The following MVB12B variants were observed in gnomAD, a reference collection of about 807,000 sequenced individuals.
MVB12B encodes the protein multivesicular body subunit 12B, also known as ESCRT-I complex subunit MVB12B.
A neutral mutation model predicts 41.6 loss-of-function variants in MVB12B; 16 were observed. That is an observed-to-expected ratio of 0.38 (90% CI 0.26 to 0.58). MVB12B has a LOEUF of 0.58. Among genes scored for constraint, MVB12B ranks in the 20% least tolerant of loss-of-function variants. MVB12B has a pLI of 0.62. For synonymous variants in MVB12B, 133 were observed against 139.7 expected (o/e 0.95, Z 0.34); for missense variants, 274 against 380.2 (o/e 0.72, Z 2.32).
At chr9:126,472,600 T>C (rs1259647075) in intron 7 of MVB12B, among the ~76,000 whole-genome samples, 1 of 152,212 alleles carries the variant, frequency 6.6e-6, no homozygotes, top group African/African-American at 2.4e-5. Context: ...CCCCTTGACT[T>C]GTAGTGCCTG....
At chr9:126,497,981 AGAG>A (rs1833873126) in intron 9 of MVB12B, among the ~76,000 whole-genome samples, 1 of 152,194 alleles carries the variant, frequency 6.6e-6, no homozygotes, top group Admixed American at 6.5e-5. Flanking sequence ...GTCTCGCAGA[AGAG>A]GCCTGCAGGA....
At chr9:126,399,170 T>C (rs1244028868) in intron 6 of MVB12B, among the ~76,000 whole-genome samples, 1 of 152,164 alleles carries the variant, frequency 6.6e-6, no homozygotes, top group African/African-American at 2.4e-5. Flanking sequence ...GCTAAGGTGG[T>C]AGAAGGTAGC....
intron 7 of MVB12B, among the ~76,000 whole-genome samples, chr9:126,477,853 C>T (rs977605244): frequency 6.6e-6 from 1 of 152,228 alleles, no homozygotes; most frequent in African/African-American, 2.4e-5. Flanking sequence ...CATTCTTCCT[C>T]ATCTCCTCTG....
At position 126,380,266 on chromosome 9, in the gene MVB12B, C is replaced by T. The variant is rs1011120574; in HGVS notation, c.205-798C>T. ...CTCCTAGCCTTCTTCTCCTCCTCCTCTCCCATCTCCTTTGCACTCTCTCCC... is the reference window on the plus strand; with the variant it reads ...CTCCTAGCCTTCTTCTCCTCCTCCTTTCCCATCTCCTTTGCACTCTCTCCC... On this transcript the variant is annotated intron_variant, in intron 2 of 9. Transcript: ENST00000361171. Among the ~76,000 whole-genome samples the T allele has an allele frequency of 4.6e-5, 7 of 152,180 alleles. No homozygotes were observed. In the South Asian group the frequency reaches 1.4e-3, roughly 31 times the overall value.
At chr9:126,337,727 T>C (rs1041897092) in intron 1 of MVB12B, among the ~76,000 whole-genome samples, 1 of 152,174 alleles carries the variant, frequency 6.6e-6, no homozygotes, top group Admixed American at 6.5e-5. Context: ...TGTTAGTGTG[T>C]TTTGCGGGCA....
chr9:126,371,692 T>A (rs1377218685), intron 2 of MVB12B, among the ~76,000 whole-genome samples: 1 of 152,218 alleles, frequency 6.6e-6, no homozygotes, highest in Non-Finnish European at 1.5e-5. Flanking sequence ...CAATCAGCTG[T>A]TTGGCAAATA....
Position 126,379,226 on chromosome 9 carries a change from G to A in MVB12B, c.205-1838G>A, listed in dbSNP as rs555313516. The stretch of plus-strand genomic sequence containing the variant: ...TTACATTTTAGTGATTCTGAAATTG[G>A]GATGCATCTTAAAATAGATGCATGT... On this transcript the variant is annotated intron_variant, in intron 2 of 9. Transcript: ENST00000361171. Among the ~76,000 whole-genome samples, 70 of 152,258 alleles carry A rather than the reference G, an allele frequency of 4.6e-4. 1 individual carries two copies. The highest frequency in any genetic ancestry group is 6.2e-4 in the South Asian group (3 of 4,822).
chr9:126,480,088 CTG>C lies in MVB12B; in HGVS notation c.758-1280_758-1279del, dbSNP rs1833496208. 6.6e-6 allele frequency among the ~76,000 whole-genome samples: 1 copy of C among 152,228 alleles called. No homozygotes were observed. The highest frequency in any genetic ancestry group is 1.5e-5 in the Non-Finnish European group (1 of 68,044). ...AAAGATTGTTGGTCCCAGGAGCGCA[CTG>C]CCCGACGCTGCCCCCATGCTCTACC... On this transcript the variant is annotated intron_variant, in intron 7 of 9. Transcript: ENST00000361171. This position sits in a 1 kb window ranked among gnomAD's most constrained non-coding sequence, Gnocchi z 4.9.
chr9:126,377,317 C>T (rs1329613448), intron 2 of MVB12B, among the ~76,000 whole-genome samples: 2 of 152,120 alleles, frequency 1.3e-5, no homozygotes, highest in South Asian at 2.1e-4. Context: ...CATGTGTATG[C>T]GAGGCCCTGT....
chr9:126,410,008 A>G (rs933938277), intron 6 of MVB12B, among the ~76,000 whole-genome samples: 3 of 152,186 alleles, frequency 2.0e-5, no homozygotes, highest in Non-Finnish European at 2.9e-5. Flanking sequence ...TAAACTAGTA[A>G]TTGATTTGCC....
intron 7 of MVB12B, among the ~76,000 whole-genome samples, chr9:126,424,002 G>A (rs534322456): frequency 4.7e-4 from 71 of 152,158 alleles, no homozygotes; most frequent in Non-Finnish European, 9.3e-4. Context: ...TCATCAAACC[G>A]TTCTGCCTCT....
intron 6 of MVB12B, among the ~76,000 whole-genome samples, chr9:126,418,122 A>G (rs1437337305): frequency 6.6e-6 from 1 of 152,036 alleles, no homozygotes; most frequent in African/African-American, 2.4e-5. Flanking sequence ...GCACCCTTGC[A>G]AACAGCAACC....
At chr9:126,420,696 G>A (rs867799526) in intron 6 of MVB12B, among the ~76,000 whole-genome samples, 15 of 147,668 alleles carry the variant, frequency 1.0e-4, no homozygotes, top group African/African-American at 2.0e-4. Context: ...CAATTCTCCC[G>A]CCTCAGCTTC....
Position 126,426,430 on chromosome 9 carries a change from C to T in MVB12B, c.757+4482C>T, listed in dbSNP as rs541411328. Among the ~76,000 whole-genome samples the T allele has an allele frequency of 1.1e-3, 160 of 152,248 alleles. 1 individual carries two copies. The highest frequency in any genetic ancestry group is 3.7e-3 in the African/African-American group (152 of 41,544). On this transcript the variant is annotated intron_variant, in intron 7 of 9. Coordinates refer to ENST00000361171, the MANE Select transcript of MVB12B (RefSeq NM_033446.3). Reference sequence around the variant, plus strand: ...CTTACCTCTTTGGAGGGCCCTCTTCCGGGTCATGTTGATTTCTCTAGGTTC... The same window carrying T: ...CTTACCTCTTTGGAGGGCCCTCTTCTGGGTCATGTTGATTTCTCTAGGTTC...
intron 5 of MVB12B, among the ~76,000 whole-genome samples, chr9:126,394,910 G>GT (rs1475088388): frequency 1.5e-4 from 23 of 152,276 alleles, no homozygotes; most frequent in African/African-American, 5.3e-4. Flanking sequence ...TCCTAGGAGC[G>GT]TGGCTGTCTC....
intron 2 of MVB12B, among the ~76,000 whole-genome samples, chr9:126,369,480 G>A (rs1472031322): frequency 1.3e-5 from 2 of 152,096 alleles, no homozygotes; most frequent in African/African-American, 4.8e-5. Flanking sequence ...AAACATTATT[G>A]ATGCCCATGC....
intron 2 of MVB12B, among the ~76,000 whole-genome samples, chr9:126,365,116 C>T (rs562196551): frequency 6.6e-6 from 1 of 151,492 alleles, no homozygotes; most frequent in South Asian, 2.1e-4. Flanking sequence ...TGCAGTGGTG[C>T]AATCTTGGCT....
At position 126,395,480 on chromosome 9, in the gene MVB12B, G is replaced by A. The variant is rs1831084551; in HGVS notation, c.540-95G>A. On this transcript the variant is annotated intron_variant, in intron 5 of 9. Coordinates refer to ENST00000361171, the MANE Select transcript of MVB12B (RefSeq NM_033446.3). The surrounding 1 kb of genome is among the most constrained non-coding windows in gnomAD (Gnocchi z 4.9). Reference sequence around the variant, plus strand: ...CAAGAATTGATTCCCTGGTGTTTGAGGCCATGACTCTTTTAAATGAATTGG... The same window carrying A: ...CAAGAATTGATTCCCTGGTGTTTGAAGCCATGACTCTTTTAAATGAATTGG... 1.4e-6 allele frequency: 2 copies of A among 1,446,048 alleles called. No homozygotes were observed. 89.6% of individuals were successfully genotyped at this position (1,446,048 alleles called of 1,614,324 possible). A position where few individuals can be genotyped will look rare whatever the true frequency, so the allele number is the denominator to read the frequency against.
intron 4 of MVB12B, among the ~76,000 whole-genome samples, chr9:126,387,241 A>G (rs770197474): frequency 2.0e-5 from 3 of 152,134 alleles, no homozygotes; most frequent in Non-Finnish European, 4.4e-5. Context: ...TGACCCACAC[A>G]TGGGTTATTA....
Sources: allele counts gnomAD v4.1 joint callset (sites outside exome capture counted in the v4.1 genomes callset), GRCh38; gene constraint gnomAD v4.1.1; non-coding constraint Gnocchi (gnomAD v3.1); transcripts MANE v1.5; gene names NCBI Gene and HGNC (gene_info 2026-07-23, HGNC 2026-07-21).